ANO4: variants seen among roughly 807,000 people sequenced by gnomAD.
ANO4 encodes anoctamin-4.
ANO4 carries 69 observed loss-of-function variants against 141.9 expected under a neutral mutation model. The observed-to-expected ratio is 0.49, with a 90% CI of 0.40 to 0.59. The LOEUF (loss-of-function observed/expected upper bound fraction) is 0.59, where lower values mean the gene tolerates loss of function less well. ANO4 is among the 20% of genes least tolerant of loss of function. ANO4 has a pLI of 0.00. For missense variants in ANO4, 894 were observed against 1,162.2 expected, an observed-to-expected ratio of 0.77 and a Z score of 3.36; for synonymous variants, 350 against 394.3, an observed-to-expected ratio of 0.89 and a Z score of 1.33.
rs1555266336 is a variant in ANO4, at chr12:100,975,955, A to AAAC, written c.602+1066_602+1067insAAC. ...CCAAAAAAAAAAAAAGAAAAAAAAAACCCACCAGATGAAGATTGCATCTAC... is the reference window on the plus strand; with the variant it reads ...CCAAAAAAAAAAAAAGAAAAAAAAAAAACCCCACCAGATGAAGATTGCATCTAC... On this transcript the variant is annotated intron_variant, in intron 7 of 27. Transcript: ENST00000392977. Among the ~76,000 whole-genome samples, 51 of 124,616 alleles carry AAAC rather than the reference A, an allele frequency of 4.1e-4. 10 individuals carry two copies. The highest frequency in any genetic ancestry group is 5.5e-4 in the South Asian group (2 of 3,658). 81.8% of individuals were successfully genotyped at this position (124,616 alleles called of 152,430 possible). A position where few individuals can be genotyped will look rare whatever the true frequency, so the allele number is the denominator to read the frequency against.
chr12:100,837,456 C>A (rs2036989673), intron 1 of ANO4, among the ~76,000 whole-genome samples: 1 of 152,018 alleles, frequency 6.6e-6, no homozygotes, highest in Admixed American at 6.6e-5. Flanking sequence ...AATAGTCTAA[C>A]AACTGTTTGG....
At chr12:100,845,870 T>C (rs1376911797) in intron 1 of ANO4, among the ~76,000 whole-genome samples, 2 of 152,216 alleles carry the variant, frequency 1.3e-5, no homozygotes, top group African/African-American at 4.8e-5. Context: ...CTGGTTTAGT[T>C]TCATTGAGTA....
chr12:101,028,735 G>C (rs1218350699), intron 9 of ANO4, among the ~76,000 whole-genome samples: 1 of 152,148 alleles, frequency 6.6e-6, no homozygotes, highest in Non-Finnish European at 1.5e-5. Context: ...GTGAAGAATG[G>C]AAACAAACTG....
At chr12:101,067,270 T>TAAAC (rs2048633307) in intron 14 of ANO4, among the ~76,000 whole-genome samples, 2 of 152,248 alleles carry the variant, frequency 1.3e-5, no homozygotes, top group African/African-American at 4.8e-5. Flanking sequence ...TAAAGTGGTA[T>TAAAC]AAACAGTGTA....
intron 1 of ANO4, among the ~76,000 whole-genome samples, chr12:100,847,493 G>A (rs1280382226): frequency 5.7e-5 from 1 of 17,414 alleles, no homozygotes; most frequent in Non-Finnish European, 1.4e-4. Context: ...TTTTTTTGAG[G>A]TGGAGTCTCA....
chr12:100,931,533 C>T (rs78793514), intron 3 of ANO4, among the ~76,000 whole-genome samples: 1 of 152,146 alleles, frequency 6.6e-6, no homozygotes, highest in Non-Finnish European at 1.5e-5. Context: ...CATGGCCACA[C>T]TTAGCATTTC....
At chr12:100,903,019 T>C (rs1401636540) in intron 2 of ANO4, among the ~76,000 whole-genome samples, 1 of 152,196 alleles carries the variant, frequency 6.6e-6, no homozygotes, top group Non-Finnish European at 1.5e-5. Flanking sequence ...ACTGTACCCT[T>C]TTCCCTCTTC....
Position 101,116,728 on chromosome 12 carries a change from G to A in ANO4, c.2500G>A (p.Asp834Asn). The A allele has an allele frequency of 1.2e-6, 2 of 1,614,090 alleles. No homozygotes were observed. The highest frequency in any genetic ancestry group is 1.7e-6 in the Non-Finnish European group (2 of 1,180,014). ...CAGCTTGTCTGTATTTCGAATTTCTGACTTTGAGAACCGATCTGAGCCTGA... is the reference window on the plus strand; with the variant it reads ...CAGCTTGTCTGTATTTCGAATTTCTAACTTTGAGAACCGATCTGAGCCTGA... ...NASLSVFRIS[D>N]FENRSEPESD... The change falls in exon 25 of 28, where the codon GAC (aspartate) becomes AAC (asparagine). Residue 834 changes from aspartate (D) to asparagine (N), a missense_variant. Transcript: ENST00000392977.
intron 1 of ANO4, among the ~76,000 whole-genome samples, chr12:100,839,771 G>A (rs1173164781): frequency 1.3e-5 from 2 of 152,004 alleles, no homozygotes; most frequent in Non-Finnish European, 2.9e-5. Context: ...AGTTAATTTA[G>A]TGTGGCAAAA....
chr12:100,837,607 C>A (rs1349488234), intron 1 of ANO4, among the ~76,000 whole-genome samples: 7 of 151,144 alleles, frequency 4.6e-5, no homozygotes, highest in African/African-American at 1.5e-4. Flanking sequence ...GAGACCACTT[C>A]TGTTAAAACA....
chr12:101,116,921 C>G, intron 25 of ANO4, 123 bp downstream of exon 25: 1 of 1,275,222 alleles, frequency 7.8e-7, no homozygotes, highest in Non-Finnish European at 1.1e-6. Flanking sequence ...CTCAACAGTG[C>G]ATTAAAAGCA....
intron 1 of ANO4, among the ~76,000 whole-genome samples, chr12:100,855,449 G>A (rs2038114303): frequency 6.6e-6 from 1 of 151,986 alleles, no homozygotes; most frequent in Non-Finnish European, 1.5e-5. Flanking sequence ...TTACAATCAT[G>A]CCATATATTT....
chr12:100,823,299 G>C (rs2036154096), intron 1 of ANO4, among the ~76,000 whole-genome samples: 1 of 151,890 alleles, frequency 6.6e-6, no homozygotes. Flanking sequence ...GCTCAAATCT[G>C]TGCCAAATTC....
At chr12:100,738,192 C>T (rs893910446) in intron 2 of ANO4, among the ~76,000 whole-genome samples, 1 of 152,118 alleles carries the variant, frequency 6.6e-6, no homozygotes, top group African/African-American at 2.4e-5. Flanking sequence ...CCTATTCCTG[C>T]CTCCCTCCCC....
At chr12:100,844,010 C>G (rs2135821648) in intron 1 of ANO4, among the ~76,000 whole-genome samples, 2 of 152,274 alleles carry the variant, frequency 1.3e-5, no homozygotes, top group Admixed American at 1.3e-4. Flanking sequence ...TTCATTCATT[C>G]ATTCATTCAG....
intron 8 of ANO4, among the ~76,000 whole-genome samples, chr12:101,001,240 A>G (rs1459720829): frequency 1.3e-5 from 2 of 152,240 alleles, no homozygotes; most frequent in Admixed American, 1.3e-4. Flanking sequence ...GAAGGGAACT[A>G]GGATCCCATC....
intron 1 of ANO4, among the ~76,000 whole-genome samples, chr12:100,800,735 A>G (rs537875134): frequency 6.6e-6 from 1 of 152,346 alleles, no homozygotes; most frequent in East Asian, 1.9e-4. Flanking sequence ...TGTCCATGGA[A>G]CAAATCACAG....
At chr12:100,758,632 A>C (rs1287920855) in intron 3 of ANO4, among the ~76,000 whole-genome samples, 1 of 152,176 alleles carries the variant, frequency 6.6e-6, no homozygotes, top group Non-Finnish European at 1.5e-5. Flanking sequence ...TTTGATGTTC[A>C]TATTGACCCT....
chr12:100,937,976 T>G (rs2042354510), intron 3 of ANO4, among the ~76,000 whole-genome samples: 1 of 152,204 alleles, frequency 6.6e-6, no homozygotes, highest in African/African-American at 2.4e-5. Flanking sequence ...GTTTCACACA[T>G]CTATAAAATC....
Sources: allele counts gnomAD v4.1 joint callset (sites outside exome capture counted in the v4.1 genomes callset), GRCh38; gene constraint gnomAD v4.1.1; transcripts MANE v1.5; gene names NCBI Gene and HGNC (gene_info 2026-07-23, HGNC 2026-07-21).